Variants in COPS2 observed in about 807,000 individuals in gnomAD.
COPS2 encodes the protein COP9 signalosome subunit 2.
A neutral mutation model predicts 66.1 loss-of-function variants in COPS2; 10 were observed. The observed-to-expected ratio is 0.15, with a 90% CI of 0.09 to 0.26. The LOEUF (loss-of-function observed/expected upper bound fraction) is 0.26, where lower values mean the gene tolerates loss of function less well. COPS2 is among the 10% of genes least tolerant of loss of function. COPS2 has a pLI of 1.00. For synonymous variants in COPS2, 179 were observed against 171.3 expected, an observed-to-expected ratio of 1.04 and a Z score of -0.35; for missense variants, 215 against 513.3, an observed-to-expected ratio of 0.42 and a Z score of 5.62.
At chr15:49,146,004 T>A (rs572695926) in intron 1 of COPS2, among the ~76,000 whole-genome samples, 1 of 152,248 alleles carries the variant, frequency 6.6e-6, no homozygotes, top group South Asian at 2.1e-4. Context: ...AAGAATAGTT[T>A]TATAGTTATT....
rs1205016673 is a variant in COPS2 at position 49,137,138 on chromosome 15, A to C, written c.540+12T>G. The stretch of plus-strand genomic sequence containing the variant: ...ATGAAGAAATATTCAGAAAAAAATA[A>C]GGGAAAGCTACCTGGCACGACTGAT... On this transcript the variant is annotated intron_variant, in intron 6 of 12. Coordinates refer to ENST00000388901, the MANE Select transcript of COPS2 (RefSeq NM_004236.4). 25 of 1,536,464 alleles carry C rather than the reference A, an allele frequency of 1.6e-5. No homozygotes were observed. Among genetic ancestry groups the C allele is most frequent in the Non-Finnish European group, 2.1e-5 (24 of 1,137,064 alleles).
At chr15:49,128,969 C>A (rs867694918) in intron 11 of COPS2, among the ~76,000 whole-genome samples, 1 of 152,158 alleles carries the variant, frequency 6.6e-6, no homozygotes, top group Non-Finnish European at 1.5e-5. Context: ...CACATTCCTG[C>A]AACAATTTTA....
At chr15:49,130,195 T>C (rs2141122435) in intron 10 of COPS2, among the ~76,000 whole-genome samples, 1 of 152,208 alleles carries the variant, frequency 6.6e-6, no homozygotes, top group Non-Finnish European at 1.5e-5. Flanking sequence ...CCATAATAGG[T>C]GGGAAAATCG....
At position 49,149,639 on chromosome 15, in the gene COPS2, A is replaced by G. The variant is rs903384523; in HGVS notation, c.55-4561T>C. ...CAAAATAACACAACACAGAGCAGCC[A>G]GGGTCAATTTTGACTATATCTGGAA... is the stretch of plus-strand genomic sequence containing the variant. On this transcript the variant is annotated intron_variant, in intron 1 of 12. Transcript: ENST00000388901. Among the ~76,000 whole-genome samples the G allele has an allele frequency of 2.0e-5, 3 of 152,238 alleles. No homozygotes were observed. The South Asian group carries it at 6.2e-4, about 31-fold the overall frequency.
chr15:49,147,884 T>C (rs1034582569), intron 1 of COPS2, among the ~76,000 whole-genome samples: 2 of 152,194 alleles, frequency 1.3e-5, no homozygotes, highest in East Asian at 1.9e-4. Context: ...CTTAAACAAA[T>C]GTTATTGCTA....
intron 11 of COPS2, 58 bp from the exon 12 acceptor site, chr15:49,128,818 A>G: frequency 1.8e-6 from 2 of 1,098,882 alleles, no homozygotes; most frequent in Non-Finnish European, 2.7e-6. Flanking sequence ...ATAATTTTAC[A>G]CAATCATTCT....
chr15:49,142,588 C>T (rs1274348041), intron 3 of COPS2, among the ~76,000 whole-genome samples: 1 of 152,158 alleles, frequency 6.6e-6, no homozygotes, highest in Non-Finnish European at 1.5e-5. Context: ...CTGAACCTTC[C>T]AACTGCTTCA....
At chr15:49,154,466 G>A (rs1358139482) in intron 1 of COPS2, among the ~76,000 whole-genome samples, 1 of 151,954 alleles carries the variant, frequency 6.6e-6, no homozygotes, top group Non-Finnish European at 1.5e-5. Context: ...AAATATATAC[G>A]AAAAAGTTAT....
rs770723004 is a variant in COPS2 at position 49,134,520 on chromosome 15, A to G, written c.541-6T>C. On this transcript the variant is annotated splice_polypyrimidine_tract_variant and splice_region_variant and intron_variant, in intron 6 of 12. Transcript: ENST00000388901. ...TCATCTTCTCCATCATCAGTCTAGGAAAGCAAATATTTAACTTTAGACAAG... is the reference window on the plus strand; with the variant it reads ...TCATCTTCTCCATCATCAGTCTAGGGAAGCAAATATTTAACTTTAGACAAG... 7 of 1,600,064 alleles carry G rather than the reference A, an allele frequency of 4.4e-6. No individual in the cohort carries two copies. Among genetic ancestry groups the G allele is most frequent in the Non-Finnish European group, 5.1e-6 (6 of 1,173,366 alleles).
intron 1 of COPS2, among the ~76,000 whole-genome samples, chr15:49,150,123 A>T (rs1367508261): frequency 1.3e-5 from 2 of 151,936 alleles, no homozygotes; most frequent in Admixed American, 6.6e-5. Context: ...CCCTGTCTCT[A>T]CTAAAATACA....
At chr15:49,145,769 G>A (rs537860093) in intron 1 of COPS2, among the ~76,000 whole-genome samples, 1 of 151,988 alleles carries the variant, frequency 6.6e-6, no homozygotes, top group Non-Finnish European at 1.5e-5. Context: ...GGGAAAACTG[G>A]AATAAAACAA....
intron 3 of COPS2, 68 bp downstream of exon 3, chr15:49,144,159 T>G: frequency 1.1e-6 from 1 of 946,646 alleles, no homozygotes; most frequent in Non-Finnish European, 1.7e-6. Flanking sequence ...GATATAATAG[T>G]ACTTTGTCGT....
intron 6 of COPS2, among the ~76,000 whole-genome samples, chr15:49,136,274 T>C (rs1191596889): frequency 6.6e-6 from 1 of 152,184 alleles, no homozygotes; most frequent in Non-Finnish European, 1.5e-5. Context: ...CAATTTAAAC[T>C]AGTATTAAAT....
intron 1 of COPS2, among the ~76,000 whole-genome samples, chr15:49,153,696 A>G (rs1224282061): frequency 6.6e-6 from 1 of 152,280 alleles, no homozygotes; most frequent in Admixed American, 6.5e-5. Context: ...ACATAATGGA[A>G]TATTATTTGA....
At chr15:49,134,583 G>A in intron 6 of COPS2, 69 bp from the exon 7 acceptor site, 8 of 1,224,938 alleles carry the variant, frequency 6.5e-6, no homozygotes, top group East Asian at 2.4e-5. Flanking sequence ...GCATTAGCCT[G>A]GAAATCTTAC....
Position 49,137,357 on chromosome 15 carries a change from T to G in COPS2, c.453A>C (p.Thr151=), listed in dbSNP as rs1470722819. 1 of 1,608,204 alleles carries G rather than the reference T, an allele frequency of 6.2e-7. No individual in the cohort carries two copies. The highest frequency in any genetic ancestry group is 1.3e-5 in the African/African-American group (1 of 74,760). The change falls in exon 5 of 13, where the codon ACA becomes ACC. Residue 151 remains threonine (T), a synonymous_variant. Coordinates refer to ENST00000388901, the MANE Select transcript of COPS2 (RefSeq NM_004236.4). ...GTATTATAACGGTTACCTTTGTGTTTGTCTTAAACCACAGTCTATCATTCT... is the reference window on the plus strand; with the variant it reads ...GTATTATAACGGTTACCTTTGTGTTGGTCTTAAACCACAGTCTATCATTCT... ...DAKNDRLWFK[T]NTKLGKLYLE...
At position 49,134,002 on chromosome 15, in the gene COPS2, G is replaced by C. The variant is rs2084234212; in HGVS notation, c.822C>G (p.Thr274=). ...NYDESGSPRR[T]TCLKYLVLAN... is the part of the protein sequence containing the mutation. ...CTAAGACCAAATATTTTAAGCAAGT[G>C]GTTCGTCTTGGACTTCCAGATTCAT... is the stretch of plus-strand genomic sequence containing the variant. The change falls in exon 8 of 13, where the codon ACC becomes ACG. Residue 274 remains threonine (T), a synonymous_variant. Coordinates refer to ENST00000388901, the MANE Select transcript of COPS2 (RefSeq NM_004236.4). 6.2e-6 allele frequency: 10 copies of C among 1,613,694 alleles called. No individual in the cohort carries two copies. The highest frequency in any genetic ancestry group is 8.5e-6 in the Non-Finnish European group (10 of 1,179,828).
At chr15:49,137,931 A>G (rs2084265287) in intron 4 of COPS2, 1 of 152,934 alleles carries the variant, frequency 6.5e-6, no homozygotes, top group African/African-American at 2.4e-5. Flanking sequence ...CTAACAGTGT[A>G]TATCTTATTC....
intron 3 of COPS2, among the ~76,000 whole-genome samples, chr15:49,140,536 A>G (rs1433109748): frequency 6.6e-6 from 1 of 152,176 alleles, no homozygotes; most frequent in Non-Finnish European, 1.5e-5. Flanking sequence ...AGATATAGTA[A>G]ATGTTGTTAT....
Sources: allele counts gnomAD v4.1 joint callset (sites outside exome capture counted in the v4.1 genomes callset), GRCh38; gene constraint gnomAD v4.1.1; transcripts MANE v1.5; gene names NCBI Gene and HGNC (gene_info 2026-07-23, HGNC 2026-07-21).